PRRT1: variants seen among roughly 807,000 people sequenced by gnomAD.
The protein encoded by PRRT1 is proline rich transmembrane protein 1, also known as proline-rich transmembrane protein 1.
PRRT1 carries 8 observed loss-of-function variants against 22.6 expected under a neutral mutation model. That is an observed-to-expected ratio of 0.35 (90% CI 0.21 to 0.64). The LOEUF (loss-of-function observed/expected upper bound fraction) is 0.64. PRRT1 is among the 30% of genes least tolerant of loss of function. PRRT1 has a pLI of 0.69. For missense variants in PRRT1, 315 were observed against 444.5 expected (o/e 0.71, Z 2.62); for synonymous variants, 176 against 203.6 (o/e 0.86, Z 1.15).
At position 32,148,876 on chromosome 6, in the gene PRRT1, C is replaced by T. The variant is rs1783104895; in HGVS notation, c.*346G>A. 1.7e-6 allele frequency: 1 copy of T among 586,758 alleles called. No individual in the cohort carries two copies. The highest frequency in any genetic ancestry group is 2.2e-5 in the Admixed American group (1 of 46,316). 36.3% of individuals were successfully genotyped at this position (586,758 alleles called of 1,614,324 possible). A position where few individuals can be genotyped will look rare whatever the true frequency, so the allele number is the denominator to read the frequency against. On this transcript the variant is annotated 3_prime_UTR_variant, in exon 4 of 4. Coordinates refer to ENST00000211413, the MANE Select transcript of PRRT1 (RefSeq NM_030651.4). The surrounding 1 kb of genome is among the most constrained non-coding windows in gnomAD (Gnocchi z 5.7). Reference sequence around the variant, plus strand: ...AGGCGGGGTTTTGTCAGAGCTGGGGCGGTGCTTATAGAGGAGGCGGGGTTT... The same window carrying T: ...AGGCGGGGTTTTGTCAGAGCTGGGGTGGTGCTTATAGAGGAGGCGGGGTTT...
Position 32,150,695 on chromosome 6 carries a change from G to A in PRRT1, c.231C>T (p.Ser77=). 1 of 1,446,356 alleles carries A rather than the reference G, an allele frequency of 6.9e-7. No homozygotes were observed. Among genetic ancestry groups the A allele is most frequent in the Non-Finnish European group, 9.1e-7 (1 of 1,103,692 alleles). The allele number at this position is 1,446,356 out of a possible 1,614,324, so 89.6% of individuals were successfully genotyped here. A position where few individuals can be genotyped will look rare whatever the true frequency, so the allele number is the denominator to read the frequency against. ...GGGGGGGCCTCGGCAGCGTGGCAGA[G>A]GAGGAGGGACCGCGCTGAGCGGTGG... ...SAATAQRGPS[S]SATLPRPPHH... Residue 77 remains serine (S), a synonymous_variant, in exon 2 of 4, where the codon TCC becomes TCT. Transcript: ENST00000211413. This position sits in a 1 kb window ranked among gnomAD's most constrained non-coding sequence, Gnocchi z 7.2.
chr6:32,149,988 C>A lies in PRRT1; in HGVS notation c.559-266G>T. The A allele has an allele frequency of 1.9e-6, 1 of 525,788 alleles. No homozygotes were observed. The highest frequency in any genetic ancestry group is 3.3e-6 in the Non-Finnish European group (1 of 301,616). The allele number at this position is 525,788 out of a possible 1,614,324, so 32.6% of individuals were successfully genotyped here. On this transcript the variant is annotated intron_variant, in intron 2 of 3. Coordinates refer to ENST00000211413, the MANE Select transcript of PRRT1 (RefSeq NM_030651.4). This position sits in a 1 kb window ranked among gnomAD's most constrained non-coding sequence, Gnocchi z 8.7. The stretch of plus-strand genomic sequence containing the variant: ...CACTGGGGCTGTCCTGGCCTCAGGT[C>A]AGACCTTCTTTCTTCCCTCCAGACA...
chr6:32,150,971 G>A lies in PRRT1; in HGVS notation c.20-65C>T. 2 of 1,330,698 alleles carry A rather than the reference G, an allele frequency of 1.5e-6. No homozygotes were observed. Among genetic ancestry groups the A allele is most frequent in the South Asian group, 1.2e-5 (1 of 80,282 alleles). 82.4% of individuals were successfully genotyped at this position (1,330,698 alleles called of 1,614,324 possible). A position where few individuals can be genotyped will look rare whatever the true frequency, so the allele number is the denominator to read the frequency against. ...GACACAGTGATGAGTTGAGGAGGGG[G>A]TAAGGGGAAACACAGCCGGTCAGGG... is the stretch of plus-strand genomic sequence containing the variant. On this transcript the variant is annotated intron_variant, in intron 1 of 3. Transcript: ENST00000211413. This position sits in a 1 kb window ranked among gnomAD's most constrained non-coding sequence, Gnocchi z 7.2.
upstream of PRRT1, chr6:32,151,988 C>CG (rs1473335181): frequency 1.1e-4 from 8 of 72,098 alleles, no homozygotes; most frequent in East Asian, 1.1e-3. Flanking sequence ...GGAGGGAGAG[C>CG]GGGGAGGGGG....
At position 32,150,506 on chromosome 6, in the gene PRRT1, A is replaced by G; in HGVS notation, c.420T>C (p.Thr140=). ...AAPPPPAPAQ[T]AQAPGFVVPT... is the part of the protein sequence containing the mutation. ...GCACCACGAAGCCAGGGGCCTGGGCAGTCTGGGCTGGCGCCGGCGGGGGCG... is the reference window on the plus strand; with the variant it reads ...GCACCACGAAGCCAGGGGCCTGGGCGGTCTGGGCTGGCGCCGGCGGGGGCG... Residue 140 remains threonine, a synonymous_variant, in exon 2 of 4, where the codon ACT becomes ACC. Transcript: ENST00000211413. The surrounding 1 kb of genome is among the most constrained non-coding windows in gnomAD (Gnocchi z 7.2). 1 of 1,432,218 alleles carries G rather than the reference A, an allele frequency of 7.0e-7. No homozygotes were observed. The highest frequency in any genetic ancestry group is 9.1e-7 in the Non-Finnish European group (1 of 1,097,022). 88.7% of individuals were successfully genotyped at this position (1,432,218 alleles called of 1,614,324 possible).
chr6:32,152,671 C>T (rs1397614495), upstream of PRRT1: 1 of 156,954 alleles, frequency 6.4e-6, no homozygotes, highest in Non-Finnish European at 1.4e-5. Context: ...TGTTCCCCCA[C>T]TTTCCCTTTG....
In PRRT1 at chr6:32,149,698, C is replaced by T. The variant is rs998870145; in HGVS notation, c.583G>A (p.Gly195Arg). The T allele has an allele frequency of 1.6e-5, 25 of 1,597,782 alleles. No homozygotes were observed. Among genetic ancestry groups the T allele is most frequent in the Non-Finnish European group, 2.1e-5 (25 of 1,172,362 alleles). ...GGGAGAGTGGAGGTCACTCCTGTTC[C>T]CCCCGGGGTCCCGCCTGCATATGGC... ...GTPYAGGTPG[G>R]TGVTSTLPPP... is the part of the protein sequence containing the mutation. The change falls in exon 3 of 4, where the codon GGA (glycine) becomes AGA (arginine). Residue 195 changes from glycine (G) to arginine (R), a missense_variant. Physicochemically the swap from Gly to Arg is moderately radical, Grantham distance 125. Around this residue, in one of 4 missense-constraint regions of PRRT1, gnomAD observed 263 missense variants for 328.5 expected, o/e 0.80. Transcript: ENST00000211413. This position sits in a 1 kb window ranked among gnomAD's most constrained non-coding sequence, Gnocchi z 8.7.
chr6:32,151,340 A>G, intron 1 of PRRT1: 1 of 412,592 alleles, frequency 2.4e-6, no homozygotes, highest in Non-Finnish European at 4.5e-6. Flanking sequence ...CATGTGTTCC[A>G]CTCTGCTGTT....
In PRRT1 at chr6:32,148,860, T is replaced by C; in HGVS notation, c.*362A>G. 1.8e-6 allele frequency: 1 copy of C among 556,210 alleles called. No individual in the cohort carries two copies. The highest frequency in any genetic ancestry group is 4.2e-5 in the East Asian group (1 of 23,976). 34.5% of individuals were successfully genotyped at this position (556,210 alleles called of 1,614,324 possible). On this transcript the variant is annotated 3_prime_UTR_variant, in exon 4 of 4. Coordinates refer to ENST00000211413, the MANE Select transcript of PRRT1 (RefSeq NM_030651.4). The surrounding 1 kb of genome is among the most constrained non-coding windows in gnomAD (Gnocchi z 5.7). ...GAGCCTGCCGACCTGGAGGCGGGGT[T>C]TTGTCAGAGCTGGGGCGGTGCTTAT...
chr6:32,148,738 C>G lies in PRRT1; in HGVS notation c.*484G>C, dbSNP rs768761935. 2.0e-4 allele frequency: 90 copies of G among 459,158 alleles called. 1 individual carries two copies. Among genetic ancestry groups the G allele is most frequent in the Non-Finnish European group, 3.3e-4 (75 of 228,650 alleles). The allele number at this position is 459,158 out of a possible 1,614,324, so 28.4% of individuals were successfully genotyped here. A position where few individuals can be genotyped will look rare whatever the true frequency, so the allele number is the denominator to read the frequency against. On this transcript the variant is annotated 3_prime_UTR_variant, in exon 4 of 4. Coordinates refer to ENST00000211413, the MANE Select transcript of PRRT1 (RefSeq NM_030651.4). The surrounding 1 kb of genome is among the most constrained non-coding windows in gnomAD (Gnocchi z 5.7). ...CTACCCCAGGGCTCGGTCCTTTTGCCGGAAGAAAGGGAGGGGTCTGTCCGT... is the reference window on the plus strand; with the variant it reads ...CTACCCCAGGGCTCGGTCCTTTTGCGGGAAGAAAGGGAGGGGTCTGTCCGT...
upstream of PRRT1, chr6:32,151,975 GGCGGAGGGAGAGC>G: frequency 1.1e-5 from 3 of 280,204 alleles, no homozygotes; most frequent in South Asian, 2.5e-5. Context: ...GGGGGGGGCG[GGCGGAGGGAGAGC>G]GGGGAGGGGG....
Position 32,150,949 on chromosome 6 carries a change from A to G in PRRT1, c.20-43T>C, listed in dbSNP as rs1783235185. On this transcript the variant is annotated intron_variant, in intron 1 of 3. Transcript: ENST00000211413. The surrounding 1 kb of genome is among the most constrained non-coding windows in gnomAD (Gnocchi z 7.2). ...AGGAGAGTATAAGAGGAAAGATGAC[A>G]CAGTGATGAGTTGAGGAGGGGGTAA... is the stretch of plus-strand genomic sequence containing the variant. The G allele has an allele frequency of 6.7e-7, 1 of 1,494,002 alleles. No homozygotes were observed. The allele number at this position is 1,494,002 out of a possible 1,614,324, so 92.5% of individuals were successfully genotyped here.
At chr6:32,151,264 C>T (rs1238468940) in intron 1 of PRRT1, 4 of 537,428 alleles carry the variant, frequency 7.4e-6, no homozygotes, top group East Asian at 3.4e-5. Context: ...TGTGCGTATG[C>T]GTAGACATGC....
chr6:32,151,956 G>T (rs563419811), upstream of PRRT1: 49 of 299,926 alleles, frequency 1.6e-4, 2 homozygotes, highest in Middle Eastern at 1.0e-3. Context: ...AGCGGCGGGG[G>T]GGGGGGGCGG....
At position 32,150,820 on chromosome 6, in the gene PRRT1, C is replaced by T. The variant is rs866028935; in HGVS notation, c.106G>A (p.Ala36Thr). ...TGGTGATGGTGTGAGGAAGGGGCTG[C>T]CTGTGGCGGTGGGGCTGGGGGTTCG... is the stretch of plus-strand genomic sequence containing the variant. Reference protein sequence around the residue: ...PAEPPAPPPQAAPSSHHHHHH... With the variant: ...PAEPPAPPPQTAPSSHHHHHH... Residue 36 changes from alanine (A) to threonine (T), a missense_variant, in exon 2 of 4, where the codon GCA (alanine) becomes ACA (threonine). By Grantham distance (58) the Ala-to-Thr change is moderately conservative. Around this residue, in one of 4 missense-constraint regions of PRRT1, gnomAD observed 263 missense variants for 328.5 expected, o/e 0.80. Transcript: ENST00000211413. The surrounding 1 kb of genome is among the most constrained non-coding windows in gnomAD (Gnocchi z 7.2). 1 of 1,576,054 alleles carries T rather than the reference C, an allele frequency of 6.3e-7. No homozygotes were observed.
Position 32,148,506 on chromosome 6 carries a change from G to A in PRRT1, c.*716C>T, listed in dbSNP as rs1270172424. The A allele has an allele frequency of 3.3e-6, 1 of 298,818 alleles. No individual in the cohort carries two copies. The highest frequency in any genetic ancestry group is 4.3e-5 in the Admixed American group (1 of 23,268). 18.5% of individuals were successfully genotyped at this position (298,818 alleles called of 1,614,324 possible). Reference sequence around the variant, plus strand: ...GATTCCCTTCTGCCCGGCTGCCCAGGGGCTGGGATGGGTGGAAGGGAGTAT... The same window carrying A: ...GATTCCCTTCTGCCCGGCTGCCCAGAGGCTGGGATGGGTGGAAGGGAGTAT... On this transcript the variant is annotated 3_prime_UTR_variant, in exon 4 of 4. Coordinates refer to ENST00000211413, the MANE Select transcript of PRRT1 (RefSeq NM_030651.4). This position sits in a 1 kb window ranked among gnomAD's most constrained non-coding sequence, Gnocchi z 5.7.
In PRRT1 at chr6:32,149,417, G is replaced by A. The variant is rs954085294; in HGVS notation, c.745-19C>T. On this transcript the variant is annotated intron_variant, in intron 3 of 3. Coordinates refer to ENST00000211413, the MANE Select transcript of PRRT1 (RefSeq NM_030651.4). This position sits in a 1 kb window ranked among gnomAD's most constrained non-coding sequence, Gnocchi z 8.7. ...TGCGCACCTACGGAGGAGGGGTGGG[G>A]GAAGGAGGTCAAAGAGCTGCGGCCT... 1.1e-5 allele frequency: 18 copies of A among 1,594,760 alleles called. No homozygotes were observed. The highest frequency in any genetic ancestry group is 1.5e-5 in the Non-Finnish European group (17 of 1,167,284).
In PRRT1 at chr6:32,150,291, G is replaced by T. The variant is rs1034647562; in HGVS notation, c.558+77C>A. The stretch of plus-strand genomic sequence containing the variant: ...CTGCCCTTGTTCCTCTATCCTACCA[G>T]CCCCCAGCGTATCCCCAATTTCAAG... On this transcript the variant is annotated intron_variant, in intron 2 of 3. Transcript: ENST00000211413. This position sits in a 1 kb window ranked among gnomAD's most constrained non-coding sequence, Gnocchi z 7.2. The T allele has an allele frequency of 3.1e-5, 46 of 1,491,526 alleles. No homozygotes were observed. The highest frequency in any genetic ancestry group is 3.7e-5 in the Non-Finnish European group (42 of 1,129,504). The allele number at this position is 1,491,526 out of a possible 1,614,324, so 92.4% of individuals were successfully genotyped here. A position where few individuals can be genotyped will look rare whatever the true frequency, so the allele number is the denominator to read the frequency against.
Position 32,150,676 on chromosome 6 carries a change from G to A in PRRT1, c.250C>T (p.Pro84Ser). 2.8e-6 allele frequency: 4 copies of A among 1,430,974 alleles called. No individual in the cohort carries two copies. The highest frequency in any genetic ancestry group is 3.6e-6 in the Non-Finnish European group (4 of 1,097,904). The allele number at this position is 1,430,974 out of a possible 1,614,324, so 88.6% of individuals were successfully genotyped here. A position where few individuals can be genotyped will look rare whatever the true frequency, so the allele number is the denominator to read the frequency against. The change falls in exon 2 of 4, where the codon CCC becomes TCC. Residue 84 changes from proline to serine, a missense_variant. Coordinates refer to ENST00000211413, the MANE Select transcript of PRRT1 (RefSeq NM_030651.4). This position sits in a 1 kb window ranked among gnomAD's most constrained non-coding sequence, Gnocchi z 7.2. ...GGGCCGGGAGGGGCGTGGTGGGGGGGCCTCGGCAGCGTGGCAGAGGAGGAG... is the reference window on the plus strand; with the variant it reads ...GGGCCGGGAGGGGCGTGGTGGGGGGACCTCGGCAGCGTGGCAGAGGAGGAG... ...GPSSSATLPR[P>S]PHHAPPGPAA...
Sources: allele counts gnomAD v4.1 joint callset, GRCh38; gene constraint gnomAD v4.1.1; regional missense constraint gnomAD v4.1.1; non-coding constraint Gnocchi (gnomAD v3.1); transcripts MANE v1.5; gene names NCBI Gene and HGNC (gene_info 2026-07-23, HGNC 2026-07-21).